Variants in SOX6 observed in about 807,000 individuals in gnomAD.
The protein encoded by SOX6 is SRY-box transcription factor 6, also known as transcription factor SOX-6.
SOX6 carries 11 observed loss-of-function variants against 97.8 expected under a neutral mutation model. That is an observed-to-expected ratio of 0.11 (90% CI 0.07 to 0.19). The LOEUF (loss-of-function observed/expected upper bound fraction) is 0.19, where lower values mean the gene tolerates loss of function less well. Ranked by LOEUF, SOX6 falls within the 10% of genes least tolerant of loss-of-function variation. SOX6 has a pLI of 1.00. For synonymous variants in SOX6, 360 were observed against 371.4 expected, an observed-to-expected ratio of 0.97 and a Z score of 0.35; for missense variants, 810 against 1,039.5, an observed-to-expected ratio of 0.78 and a Z score of 3.04.
intron 3 of SOX6, among the ~76,000 whole-genome samples, chr11:16,297,660 T>C (rs1855137068): frequency 6.6e-6 from 1 of 152,190 alleles, no homozygotes; most frequent in Non-Finnish European, 1.5e-5. Flanking sequence ...CACTACTCTC[T>C]GGCTCTAGTC....
chr11:16,569,503 T>C (rs78408283), intron 4 of SOX6, among the ~76,000 whole-genome samples: 2,144 of 152,216 alleles, frequency 0.014, 43 homozygotes, highest in East Asian at 0.052. Context: ...TTATTTTAAA[T>C]ATAAGAATTA....
chr11:16,504,044 AAAAT>A (rs77343447), intron 4 of SOX6, among the ~76,000 whole-genome samples: 44,152 of 138,932 alleles, frequency 0.32, 7,384 homozygotes, highest in Admixed American at 0.38. Context: ...CTCCATCTCA[AAAAT>A]AAATAAATAA....
chr11:16,130,635 G>T lies in SOX6; in HGVS notation c.778-18712C>A, dbSNP rs1417862770. On this transcript the variant is annotated intron_variant, in intron 6 of 15. Coordinates refer to ENST00000683767, the MANE Select transcript of SOX6 (RefSeq NM_001367873.1). ...ATTCCAGCAGGACATTTTGAATATA[G>T]TATGAAGCTGATTCTAAATTTGATA... is the stretch of plus-strand genomic sequence containing the variant. Among the ~76,000 whole-genome samples the T allele has an allele frequency of 2.0e-5, 3 of 151,830 alleles. No homozygotes were observed. The East Asian group carries it at 5.8e-4, about 29-fold the overall frequency.
At chr11:16,671,967 G>T (rs1180338586) in intron 3 of SOX6, among the ~76,000 whole-genome samples, 2 of 152,184 alleles carry the variant, frequency 1.3e-5, no homozygotes, top group Non-Finnish European at 2.9e-5. Flanking sequence ...GAAACCCTAT[G>T]AGCCAGAAGA....
intron 6 of SOX6, among the ~76,000 whole-genome samples, chr11:16,138,453 G>T (rs1850032984): frequency 6.6e-6 from 1 of 151,902 alleles, no homozygotes; most frequent in African/African-American, 2.4e-5. Flanking sequence ...GTGTCATCAT[G>T]CCTTCTTAGT....
intron 4 of SOX6, among the ~76,000 whole-genome samples, chr11:16,487,242 G>A (rs1484292995): frequency 6.6e-6 from 1 of 152,076 alleles, no homozygotes; most frequent in African/African-American, 2.4e-5. Context: ...ATGGAATTTA[G>A]CTAAAAAATT....
chr11:16,021,713 T>C (rs1324760342), intron 12 of SOX6, among the ~76,000 whole-genome samples: 3 of 152,104 alleles, frequency 2.0e-5, no homozygotes, highest in African/African-American at 7.2e-5. Context: ...CTCATACATT[T>C]TTAACACCAA....
At chr11:16,200,771 T>C (rs7130995) in intron 4 of SOX6, among the ~76,000 whole-genome samples, 3,640 of 152,188 alleles carry the variant, frequency 0.024, 144 homozygotes, top group African/African-American at 0.083. Context: ...TATTAGCTGG[T>C]TCTCCAAACC....
intron 4 of SOX6, among the ~76,000 whole-genome samples, chr11:16,198,211 G>A (rs1479837431): frequency 2.1e-5 from 3 of 145,950 alleles, no homozygotes; most frequent in Admixed American, 6.8e-5. Flanking sequence ...CTGCCACCAC[G>A]CCCTGCTAAT....
intron 4 of SOX6, among the ~76,000 whole-genome samples, chr11:16,590,054 A>C (rs1196444391): frequency 1.3e-5 from 2 of 152,320 alleles, no homozygotes; most frequent in South Asian, 2.1e-4. Context: ...CTTAACTAAA[A>C]ATCAGCACTG....
At chr11:16,243,326 C>T (rs1010445555) in intron 3 of SOX6, among the ~76,000 whole-genome samples, 3 of 151,836 alleles carry the variant, frequency 2.0e-5, no homozygotes, top group Non-Finnish European at 4.4e-5. Context: ...CAAGTTTATA[C>T]CACAATACGA....
At chr11:16,001,855 T>C (rs1854416758) in intron 13 of SOX6, among the ~76,000 whole-genome samples, 1 of 152,162 alleles carries the variant, frequency 6.6e-6, no homozygotes, top group Admixed American at 6.6e-5. Context: ...TTTTTTTCTA[T>C]TAGAAACTCC....
chr11:16,116,654 A>T (rs1471977263), intron 6 of SOX6, among the ~76,000 whole-genome samples: 2 of 152,190 alleles, frequency 1.3e-5, no homozygotes, highest in Non-Finnish European at 2.9e-5. Flanking sequence ...CATTGATACA[A>T]TCCAACAATC....
chr11:16,658,976 T>C (rs1227027306), intron 3 of SOX6, among the ~76,000 whole-genome samples: 1 of 152,190 alleles, frequency 6.6e-6, no homozygotes, highest in Non-Finnish European at 1.5e-5. Context: ...TTACAAATAT[T>C]TTCTCCCACT....
chr11:16,492,437 C>G (rs1860527024), intron 4 of SOX6, among the ~76,000 whole-genome samples: 1 of 152,182 alleles, frequency 6.6e-6, no homozygotes, highest in South Asian at 2.1e-4. Context: ...TAGCCCAGCA[C>G]AAGCTCACCT....
At chr11:16,001,671 G>A (rs1025741531) in intron 13 of SOX6, among the ~76,000 whole-genome samples, 16 of 152,162 alleles carry the variant, frequency 1.1e-4, no homozygotes, top group African/African-American at 3.9e-4. Flanking sequence ...GACCAGTTAT[G>A]AAGTTCATGC....
At chr11:16,359,479 T>C (rs1464616026), upstream of SOX6, among the ~76,000 whole-genome samples, 1 of 152,106 alleles carries the variant, frequency 6.6e-6, no homozygotes, top group East Asian at 1.9e-4. Context: ...AAAAAAAATC[T>C]CCAGTGGCCT....
intron 12 of SOX6, among the ~76,000 whole-genome samples, chr11:16,016,908 GA>G (rs1481652767): frequency 6.6e-6 from 1 of 151,904 alleles, no homozygotes; most frequent in African/African-American, 2.4e-5. Context: ...AACTTTCTCT[GA>G]AAATCAACAG....
chr11:16,443,462 T>C (rs546687152), intron 1 of SOX6, among the ~76,000 whole-genome samples: 2 of 152,318 alleles, frequency 1.3e-5, no homozygotes, highest in African/African-American at 4.8e-5. Context: ...TAGCACCTGT[T>C]GTAAACCAAC....
Sources: allele counts gnomAD v4.1 joint callset (sites outside exome capture counted in the v4.1 genomes callset), GRCh38; gene constraint gnomAD v4.1.1; transcripts MANE v1.5; gene names NCBI Gene and HGNC (gene_info 2026-07-23, HGNC 2026-07-21).